The following CSMD2 variants were observed in gnomAD, a reference collection of about 807,000 sequenced individuals.
CSMD2 encodes CUB and Sushi multiple domains 2, also known as CUB and sushi domain-containing protein 2.
In CSMD2, 130 loss-of-function variants were observed where a neutral mutation model predicts 398.5. The ratio of observed to expected loss-of-function variants is 0.33; its 90% CI spans 0.28 to 0.38. CSMD2 has a LOEUF of 0.38. CSMD2 is among the 10% of genes least tolerant of loss of function. CSMD2 has a pLI of 1.00. For synonymous variants in CSMD2, 1,828 were observed against 1,908.5 expected (o/e 0.96, Z 1.10); for missense variants, 3,829 against 4,764.9 (o/e 0.80, Z 5.78).
intron 6 of CSMD2, among the ~76,000 whole-genome samples, chr1:33,835,984 C>T (rs182315825): frequency 6.6e-6 from 1 of 152,170 alleles, no homozygotes; most frequent in Non-Finnish European, 1.5e-5. Flanking sequence ...TTTTCCCCAT[C>T]TTTGTGGTTT....
chr1:34,052,217 T>G (rs1034592523), intron 2 of CSMD2, among the ~76,000 whole-genome samples: 1 of 151,144 alleles, frequency 6.6e-6, no homozygotes, highest in Non-Finnish European at 1.5e-5. Context: ...CACAGTAGCG[T>G]TCCCCATCTG....
intron 5 of CSMD2, among the ~76,000 whole-genome samples, chr1:33,875,172 T>C (rs1488150963): frequency 1.3e-5 from 2 of 152,118 alleles, no homozygotes; most frequent in Non-Finnish European, 2.9e-5. Context: ...TCCAATGTCA[T>C]GGGCAAAACA....
intron 10 of CSMD2, among the ~76,000 whole-genome samples, chr1:33,802,006 A>G (rs1655667578): frequency 6.6e-6 from 1 of 152,226 alleles, no homozygotes; most frequent in African/African-American, 2.4e-5. Context: ...CCCTAGACCC[A>G]CTGAATCAGA....
At chr1:33,726,881 A>G (rs1317805856) in intron 15 of CSMD2, among the ~76,000 whole-genome samples, 196 bp from the exon 16 acceptor site, 1 of 152,236 alleles carries the variant, frequency 6.6e-6, no homozygotes, top group Non-Finnish European at 1.5e-5. Flanking sequence ...GAGTGTTATT[A>G]AAGGCCAGAT....
chr1:33,876,429 T>A (rs1640846281), intron 5 of CSMD2, among the ~76,000 whole-genome samples: 1 of 152,198 alleles, frequency 6.6e-6, no homozygotes, highest in Admixed American at 6.5e-5. Context: ...CAAAAGCTGT[T>A]TCTCAGGGTC....
chr1:33,973,143 A>G (rs1275843284), intron 3 of CSMD2, among the ~76,000 whole-genome samples: 1 of 152,202 alleles, frequency 6.6e-6, no homozygotes, highest in African/African-American at 2.4e-5. Flanking sequence ...TGGCCGTGCC[A>G]GAATCCAGCC....
At chr1:33,615,969 C>G (rs968689399) in intron 39 of CSMD2, among the ~76,000 whole-genome samples, 6 of 152,250 alleles carry the variant, frequency 3.9e-5, no homozygotes, top group Admixed American at 1.3e-4. Flanking sequence ...TCCTAAAAGA[C>G]TGAGATTTCC....
At chr1:33,900,901 G>A (rs1642712531) in intron 5 of CSMD2, among the ~76,000 whole-genome samples, 1 of 152,212 alleles carries the variant, frequency 6.6e-6, no homozygotes, top group Non-Finnish European at 1.5e-5. Context: ...TATTAAGGCA[G>A]GAGGAAGGCA....
chr1:33,897,117 G>A (rs1204920452), intron 5 of CSMD2, among the ~76,000 whole-genome samples: 1 of 152,120 alleles, frequency 6.6e-6, no homozygotes, highest in Non-Finnish European at 1.5e-5. Flanking sequence ...TCCTCTATGG[G>A]GTAAACTGAG....
At chr1:33,546,371 C>T in intron 56 of CSMD2, 152 bp from the exon 57 acceptor site, 1 of 704,292 alleles carries the variant, frequency 1.4e-6, no homozygotes, top group East Asian at 2.8e-5. Context: ...GCTCCTGCCT[C>T]CATATGCAAT....
Position 33,623,335 on chromosome 1 carries a change from C to T in CSMD2, c.5722+35G>A, listed in dbSNP as rs1462556244. 4 of 1,357,056 alleles carry T rather than the reference C, an allele frequency of 2.9e-6. No homozygotes were observed. In the African/African-American group the frequency reaches 4.3e-5, roughly 15 times the overall value. The allele number at this position is 1,357,056 out of a possible 1,614,324, so 84.1% of individuals were successfully genotyped here. A position where few individuals can be genotyped will look rare whatever the true frequency, so the allele number is the denominator to read the frequency against. ...TTCATGATGATGAGCTCTAGTACTA[C>T]CCTCCAAATTGAAGCCCCTGGAAAC... On this transcript the variant is annotated intron_variant, in intron 36 of 70. Transcript: ENST00000373381.
intron 29 of CSMD2, among the ~76,000 whole-genome samples, chr1:33,637,328 ACAGTATTTTTTT>A: frequency 6.6e-6 from 1 of 152,284 alleles, no homozygotes; most frequent in South Asian, 2.1e-4. Context: ...TATGAAAACC[ACAGTATTTTTTT>A]CATGTGGCTA....
chr1:33,800,703 C>T (rs926499257), intron 10 of CSMD2, among the ~76,000 whole-genome samples: 9 of 152,090 alleles, frequency 5.9e-5, no homozygotes, highest in Non-Finnish European at 1.2e-4. Flanking sequence ...GGCTAGCAAG[C>T]GGGCAGGGTT....
At chr1:33,595,854 AG>A (rs1639802642) in intron 44 of CSMD2, among the ~76,000 whole-genome samples, 1 of 152,230 alleles carries the variant, frequency 6.6e-6, no homozygotes, top group Non-Finnish European at 1.5e-5. Context: ...ATCTGGTGCT[AG>A]ATGTGCTCAT....
intron 25 of CSMD2, among the ~76,000 whole-genome samples, chr1:33,668,286 A>G (rs556862906): frequency 6.6e-6 from 1 of 152,256 alleles, no homozygotes; most frequent in African/African-American, 2.4e-5. Context: ...TCATTGGTAT[A>G]TTTTAAGCTG....
chr1:33,581,550 A>AAAAAG (rs1242614244), intron 47 of CSMD2, among the ~76,000 whole-genome samples: 537 of 141,808 alleles, frequency 3.8e-3, no homozygotes, highest in African/African-American at 4.9e-3. Flanking sequence ...AAAAAAAAAA[A>AAAAAG]AAAAGAAAAG....
At chr1:33,738,300 A>G (rs1646946736) in intron 15 of CSMD2, among the ~76,000 whole-genome samples, 1 of 152,140 alleles carries the variant, frequency 6.6e-6, no homozygotes, top group Non-Finnish European at 1.5e-5. Context: ...AGTTTCCCCA[A>G]GGGGCCCTTG....
intron 3 of CSMD2, among the ~76,000 whole-genome samples, chr1:34,022,536 A>G (rs1649046335): frequency 6.6e-6 from 1 of 152,222 alleles, no homozygotes; most frequent in Non-Finnish European, 1.5e-5. Flanking sequence ...ACATGATAGA[A>G]GGAGAAGTGC....
At chr1:33,922,373 G>A (rs1348335245) in intron 4 of CSMD2, among the ~76,000 whole-genome samples, 13 of 152,006 alleles carry the variant, frequency 8.6e-5, no homozygotes, top group Non-Finnish European at 1.5e-5. Context: ...GAGGGGGAGG[G>A]AGTGGCTCAG....
Sources: gnomAD v4.1 joint callset for allele counts (sites outside exome capture counted in the v4.1 genomes callset) on GRCh38, gnomAD v4.1.1 for gene constraint, MANE v1.5 for transcripts, NCBI Gene and HGNC (gene_info 2026-07-23, HGNC 2026-07-21) for gene names.